The following OR4Q3 variants were observed in gnomAD, a reference collection of about 807,000 sequenced individuals.
The protein encoded by OR4Q3 is olfactory receptor 4Q3.
In OR4Q3, 17 loss-of-function variants were observed where a neutral mutation model predicts 18.8. The ratio of observed to expected loss-of-function variants is 0.91; its 90% CI spans 0.62 to 1.36. The LOEUF is 1.36. OR4Q3 is among the 40% of genes most tolerant of loss of function. The probability of loss-of-function intolerance (pLI) is 0.00; values close to 1 mark genes in which losing one functional copy is unlikely to be tolerated. For synonymous variants in OR4Q3, 158 were observed against 145.8 expected, an observed-to-expected ratio of 1.08 and a Z score of -0.60; for missense variants, 378 against 373.4, an observed-to-expected ratio of 1.01 and a Z score of -0.10.
At chr14:19,746,241 TA>T in intron 1 of OR4Q3, among the ~76,000 whole-genome samples, 1 of 152,078 alleles carries the variant, frequency 6.6e-6, no homozygotes, top group Non-Finnish European at 1.5e-5. Context: ...TGGTTTTAGA[TA>T]AAAAAATATT....
exon 2 of OR4Q3, chr14:19,748,613 A>C: frequency 2.1e-6 from 1 of 472,490 alleles, no homozygotes; most frequent in Non-Finnish European, 3.7e-6. Flanking sequence ...GCCACAAACG[A>C]TAACAAGCAT....
downstream of OR4Q3, among the ~76,000 whole-genome samples, chr14:19,750,512 TAG>T: frequency 6.6e-6 from 1 of 152,234 alleles, no homozygotes; most frequent in African/African-American, 2.4e-5. Context: ...TGAATTGCCA[TAG>T]AGAGGCTTTT....
chr14:19,746,719 C>T, intron 1 of OR4Q3, among the ~76,000 whole-genome samples: 1 of 152,190 alleles, frequency 6.6e-6, no homozygotes, highest in Admixed American at 6.6e-5. Flanking sequence ...CTGTTTCAAT[C>T]CTTCCTAAAT....
At chr14:19,747,409 A>C in exon 2 of OR4Q3, 1 of 1,515,206 alleles carries the variant, frequency 6.6e-7, no homozygotes, top group Non-Finnish European at 9.0e-7. Flanking sequence ...TCTTTAGGTC[A>C]CTTGATATTC....
At chr14:19,746,896 T>C in intron 1 of OR4Q3, among the ~76,000 whole-genome samples, 1 of 150,952 alleles carries the variant, frequency 6.6e-6, no homozygotes, top group African/African-American at 2.4e-5. Context: ...TTTCCTCATC[T>C]TGAGAGATTT....
intron 1 of OR4Q3, among the ~76,000 whole-genome samples, chr14:19,747,165 C>T: frequency 9.8e-5 from 15 of 152,296 alleles, no homozygotes; most frequent in East Asian, 3.9e-4. Context: ...CTAATGTCCA[C>T]GTCATTGTGT....
At chr14:19,751,445 C>CA, downstream of OR4Q3, among the ~76,000 whole-genome samples, 4 of 151,962 alleles carry the variant, frequency 2.6e-5, no homozygotes, top group Non-Finnish European at 5.9e-5. Flanking sequence ...GGAATAGTTT[C>CA]AGTAGGATTG....
downstream of OR4Q3, among the ~76,000 whole-genome samples, chr14:19,751,067 C>T: frequency 6.6e-6 from 1 of 152,198 alleles, no homozygotes; most frequent in African/African-American, 2.4e-5. Context: ...TGCAACATCC[C>T]TTTTTTCTGA....
chr14:19,750,351 C>G, downstream of OR4Q3, among the ~76,000 whole-genome samples: 2 of 152,338 alleles, frequency 1.3e-5, no homozygotes, highest in African/African-American at 4.8e-5. Context: ...AAAAGGTTAA[C>G]TTAAGCATTT....
intron 1 of OR4Q3, among the ~76,000 whole-genome samples, chr14:19,745,254 G>C: frequency 6.6e-6 from 1 of 152,110 alleles, no homozygotes; most frequent in Non-Finnish European, 1.5e-5. Flanking sequence ...TAAACAAGTA[G>C]GCAATAAACT....
chr14:19,748,662 G>C, exon 2 of OR4Q3: 2 of 352,626 alleles, frequency 5.7e-6, no homozygotes, highest in South Asian at 6.7e-5. Flanking sequence ...ATGTCTCTAA[G>C]TACTGTTCAT....
At chr14:19,747,279 C>T in intron 1 of OR4Q3, 127 bp from the exon 2 acceptor site, 12 of 442,666 alleles carry the variant, frequency 2.7e-5, no homozygotes, top group Admixed American at 4.2e-5. Context: ...AGTGTACTGC[C>T]TATATTACCC....
At chr14:19,751,150 A>G, downstream of OR4Q3, among the ~76,000 whole-genome samples, 5 of 152,362 alleles carry the variant, frequency 3.3e-5, no homozygotes, top group African/African-American at 4.8e-5. Flanking sequence ...TGGAATTGGT[A>G]GCATTATTTT....
At chr14:19,744,878 G>T in intron 1 of OR4Q3, among the ~76,000 whole-genome samples, 1 of 151,862 alleles carries the variant, frequency 6.6e-6, no homozygotes, top group African/African-American at 2.4e-5. Context: ...CATTCTTCAC[G>T]GAACAGTCAC....
intron 1 of OR4Q3, among the ~76,000 whole-genome samples, chr14:19,745,365 C>T: frequency 6.6e-6 from 1 of 152,100 alleles, no homozygotes; most frequent in East Asian, 1.9e-4. Flanking sequence ...TTAATATTGT[C>T]TGTTTTAGTA....
chr14:19,749,967 TTCTC>T, downstream of OR4Q3, among the ~76,000 whole-genome samples: 3 of 146,004 alleles, frequency 2.1e-5, no homozygotes. Flanking sequence ...TTCTCTCTCT[TTCTC>T]TCTTTCTTTC....
chr14:19,748,599 A>G, exon 2 of OR4Q3: 2 of 494,644 alleles, frequency 4.0e-6, no homozygotes, highest in Non-Finnish European at 7.1e-6. Context: ...AGTAGAATTT[A>G]CTGGCCACAA....
chr14:19,745,495 A>T, intron 1 of OR4Q3, among the ~76,000 whole-genome samples: 1 of 152,304 alleles, frequency 6.6e-6, no homozygotes, highest in Admixed American at 6.5e-5. Flanking sequence ...TTCTGAGACT[A>T]AATTATAACA....
At chr14:19,749,739 T>TTCTC, downstream of OR4Q3, among the ~76,000 whole-genome samples, 1 of 150,438 alleles carries the variant, frequency 6.6e-6, no homozygotes, top group Admixed American at 6.6e-5. Flanking sequence ...TTTTCTTTCT[T>TTCTC]TCTCTCTCTC....
Sources: gnomAD v4.1 joint callset for allele counts (sites outside exome capture counted in the v4.1 genomes callset) on GRCh38, gnomAD v4.1.1 for gene constraint, MANE v1.5 for transcripts, NCBI Gene and HGNC (gene_info 2026-07-23, HGNC 2026-07-21) for gene names.